DCC: variants seen among roughly 807,000 people sequenced by gnomAD.
DCC encodes DCC netrin 1 receptor, also known as netrin receptor DCC.
A neutral mutation model predicts 172.5 loss-of-function variants in DCC; 58 were observed. That is an observed-to-expected ratio of 0.34 (90% CI 0.27 to 0.42). DCC has a LOEUF of 0.42. Ranked by LOEUF, DCC falls within the 10% of genes least tolerant of loss-of-function variation. The pLI is 1.00. For synonymous variants in DCC, 709 were observed against 644.5 expected (o/e 1.10, Z -1.52); for missense variants, 1,740 against 1,791.0 (o/e 0.97, Z 0.51).
At chr18:52,644,558 G>A (rs34797702) in intron 1 of DCC, among the ~76,000 whole-genome samples, 20,551 of 134,072 alleles carry the variant, frequency 0.15, 1,715 homozygotes, top group Non-Finnish European at 0.19. Context: ...CAGCCTGGGC[G>A]ACAGAGTCAG....
intron 2 of DCC, among the ~76,000 whole-genome samples, chr18:52,763,505 G>A (rs574000567): frequency 7.2e-4 from 110 of 152,306 alleles, no homozygotes; most frequent in East Asian, 7.7e-4. Flanking sequence ...TTCCAGTTAT[G>A]TCCCAGCCCA....
chr18:52,734,977 G>A (rs1423576414), intron 1 of DCC, among the ~76,000 whole-genome samples: 2 of 152,070 alleles, frequency 1.3e-5, no homozygotes, highest in Non-Finnish European at 2.9e-5. Flanking sequence ...ATAAGAAAAT[G>A]CCTTGTTTCT....
At chr18:52,773,484 C>T (rs552996324) in intron 2 of DCC, among the ~76,000 whole-genome samples, 9 of 147,180 alleles carry the variant, frequency 6.1e-5, no homozygotes, top group African/African-American at 2.2e-4. Context: ...AAATTAACCC[C>T]CCCAAATATA....
chr18:53,304,547 A>G (rs374387091), intron 12 of DCC, among the ~76,000 whole-genome samples: 27 of 152,208 alleles, frequency 1.8e-4, no homozygotes, highest in African/African-American at 6.0e-4. Context: ...TGTGTTTAAT[A>G]TCTCTGAAAC....
chr18:53,491,550 T>G (rs909181558), intron 26 of DCC, among the ~76,000 whole-genome samples: 13 of 152,102 alleles, frequency 8.5e-5, no homozygotes, highest in Non-Finnish European at 1.6e-4. Context: ...ACATGTGTCC[T>G]CATTGTTCAT....
chr18:52,950,929 CAAAAAAAAAAAAAAAAAAAAAAAAAAA>C (rs755118442), intron 5 of DCC, among the ~76,000 whole-genome samples: 14 of 57,406 alleles, frequency 2.4e-4, no homozygotes, highest in African/African-American at 4.5e-4. Context: ...GACTCCGTCT[CAAAAAAAAAAAAAAAAAAAAAAAAAAA>C]AAAAAAAAAA....
chr18:52,449,268 G>T (rs1988225752), intron 1 of DCC, among the ~76,000 whole-genome samples: 3 of 152,222 alleles, frequency 2.0e-5, no homozygotes, highest in South Asian at 4.1e-4. Flanking sequence ...TTCAAGATGA[G>T]ATTTGGGTGG....
At chr18:52,512,760 A>G (rs1055813488) in intron 1 of DCC, among the ~76,000 whole-genome samples, 3 of 152,120 alleles carry the variant, frequency 2.0e-5, no homozygotes, top group African/African-American at 4.8e-5. Context: ...TGCTGGGGGG[A>G]AAAAAGAAAG....
chr18:53,465,659 C>T lies in DCC; in HGVS notation c.3620-2235C>T, dbSNP rs187621435. Among the ~76,000 whole-genome samples the T allele has an allele frequency of 6.6e-5, 10 of 152,120 alleles. No individual in the cohort carries two copies. In the East Asian group the frequency reaches 1.7e-3, roughly 26 times the overall value. ...ATTTTGGAAATATCAGCCAATAATT[C>T]TTTAAATATTTTTCAGTTTCACACC... On this transcript the variant is annotated intron_variant, in intron 24 of 28. Coordinates refer to ENST00000442544, the MANE Select transcript of DCC (RefSeq NM_005215.4).
chr18:53,277,189 G>A (rs1568407377), intron 12 of DCC, among the ~76,000 whole-genome samples: 1 of 152,040 alleles, frequency 6.6e-6, no homozygotes, highest in Non-Finnish European at 1.5e-5. Flanking sequence ...TACAAACAGG[G>A]CCAGGCACGA....
intron 27 of DCC, among the ~76,000 whole-genome samples, chr18:53,504,910 GTTTT>G (rs957012912): frequency 2.0e-5 from 3 of 152,028 alleles, no homozygotes; most frequent in African/African-American, 7.2e-5. Flanking sequence ...TTGGAGAAAT[GTTTT>G]TTTGTTTGTT....
chr18:53,109,286 C>T (rs2043296206), intron 7 of DCC, among the ~76,000 whole-genome samples: 1 of 151,126 alleles, frequency 6.6e-6, no homozygotes, highest in Admixed American at 6.6e-5. Context: ...AGAGACAGTA[C>T]AATTTTAATA....
intron 1 of DCC, among the ~76,000 whole-genome samples, chr18:52,592,997 G>T (rs181246135): frequency 1.3e-5 from 2 of 152,224 alleles, no homozygotes; most frequent in East Asian, 3.9e-4. Context: ...TTTACTCATG[G>T]TGCAGGAAAG....
chr18:52,776,395 A>G (rs73463756), intron 2 of DCC, among the ~76,000 whole-genome samples: 3,431 of 152,236 alleles, frequency 0.023, 128 homozygotes, highest in African/African-American at 0.078. Flanking sequence ...TAGAAATTTT[A>G]AAAGAAAAAG....
At chr18:52,784,019 C>T (rs777984160) in intron 2 of DCC, among the ~76,000 whole-genome samples, 12 of 152,024 alleles carry the variant, frequency 7.9e-5, no homozygotes, top group Non-Finnish European at 1.3e-4. Context: ...ATGTTTACTA[C>T]CACACACTAG....
chr18:52,415,648 A>G (rs1379823344), intron 1 of DCC, among the ~76,000 whole-genome samples: 1 of 152,074 alleles, frequency 6.6e-6, no homozygotes, highest in Non-Finnish European at 1.5e-5. Context: ...GTGATTAGGG[A>G]GGCTGTACGG....
intron 1 of DCC, among the ~76,000 whole-genome samples, chr18:52,738,359 C>T (rs1039981492): frequency 2.6e-5 from 4 of 152,138 alleles, no homozygotes; most frequent in African/African-American, 9.7e-5. Flanking sequence ...ATGGTGTAGC[C>T]TATTGCTCAT....
chr18:52,931,294 T>G (rs1206052089), intron 5 of DCC, among the ~76,000 whole-genome samples: 1 of 152,160 alleles, frequency 6.6e-6, no homozygotes, highest in Non-Finnish European at 1.5e-5. Flanking sequence ...GAAAAGAACT[T>G]TATTATCAAT....
chr18:53,046,671 T>C (rs899110753), intron 5 of DCC, among the ~76,000 whole-genome samples: 2 of 151,948 alleles, frequency 1.3e-5, no homozygotes, highest in Admixed American at 1.3e-4. Flanking sequence ...GAATTCCACA[T>C]AACTTGAAAA....
Sources: gnomAD v4.1 joint callset for allele counts (sites outside exome capture counted in the v4.1 genomes callset) on GRCh38, gnomAD v4.1.1 for gene constraint, MANE v1.5 for transcripts, NCBI Gene and HGNC (gene_info 2026-07-23, HGNC 2026-07-21) for gene names.